HS3ST3A1: variants seen among roughly 807,000 people sequenced by gnomAD.
The protein encoded by HS3ST3A1 is heparan sulfate-glucosamine 3-sulfotransferase 3A1.
In HS3ST3A1, 19 loss-of-function variants were observed where a neutral mutation model predicts 25.7. The observed-to-expected ratio is 0.74, with a 90% CI of 0.52 to 1.08. The LOEUF (loss-of-function observed/expected upper bound fraction) is 1.08. Among genes scored for constraint, HS3ST3A1 ranks in the 50% least tolerant of loss-of-function variants. The probability of loss-of-function intolerance (pLI) is 0.00; values close to 1 mark genes in which losing one functional copy is unlikely to be tolerated. For synonymous variants in HS3ST3A1, 226 were observed against 278.6 expected (o/e 0.81, Z 1.88); for missense variants, 459 against 594.3 (o/e 0.77, Z 2.37).
chr17:13,510,520 A>G (rs953479209), intron 1 of HS3ST3A1, among the ~76,000 whole-genome samples: 2 of 152,230 alleles, frequency 1.3e-5, no homozygotes, highest in East Asian at 3.9e-4. Flanking sequence ...TTTTTCTGTC[A>G]GTTTATTTTA....
chr17:13,593,317 A>G (rs1908484826), intron 1 of HS3ST3A1, among the ~76,000 whole-genome samples: 1 of 151,006 alleles, frequency 6.6e-6, no homozygotes, highest in Admixed American at 6.6e-5. Flanking sequence ...TTGTGTCCTC[A>G]GAGACCTGTC....
chr17:13,575,281 G>A lies in HS3ST3A1; in HGVS notation c.599+25250C>T, dbSNP rs183098942. 3.3e-5 allele frequency among the ~76,000 whole-genome samples: 5 copies of A among 152,180 alleles called. No homozygotes were observed. The East Asian group carries it at 9.7e-4, about 29-fold the overall frequency. On this transcript the variant is annotated intron_variant, in intron 1 of 1. Transcript: ENST00000284110. ...TAAGTAGGGAAAAAGCATCTTTTAGGTTCAAAAAAGAAATGGATAATGGAT... is the reference window on the plus strand; with the variant it reads ...TAAGTAGGGAAAAAGCATCTTTTAGATTCAAAAAAGAAATGGATAATGGAT...
intron 1 of HS3ST3A1, among the ~76,000 whole-genome samples, chr17:13,599,168 CA>C (rs1908655409): frequency 1.3e-5 from 2 of 152,162 alleles, no homozygotes; most frequent in Admixed American, 6.5e-5. Flanking sequence ...GACAGAAACA[CA>C]AGGGGATATT....
intron 1 of HS3ST3A1, among the ~76,000 whole-genome samples, chr17:13,514,730 G>T (rs867339390): frequency 6.6e-6 from 1 of 152,152 alleles, no homozygotes; most frequent in African/African-American, 2.4e-5. Flanking sequence ...GACGAGGAGA[G>T]GGTAAGACTA....
intron 1 of HS3ST3A1, among the ~76,000 whole-genome samples, chr17:13,537,003 C>T (rs145293957): frequency 3.3e-5 from 5 of 152,252 alleles, no homozygotes; most frequent in African/African-American, 7.2e-5. Flanking sequence ...GTAAGGTCTG[C>T]GAAGGACAGT....
Position 13,601,185 on chromosome 17 carries a change from C to G in HS3ST3A1, c.-56G>C, listed in dbSNP as rs971876074. ...CGGCCATGCTAGGCCTGGACCCCGA[C>G]AGGTGCCAGAGCATCCCCCCGGCGG... On this transcript the variant is annotated 5_prime_UTR_variant, in exon 1 of 2. Coordinates refer to ENST00000284110, the MANE Select transcript of HS3ST3A1 (RefSeq NM_006042.3). 2 of 1,332,224 alleles carry G rather than the reference C, an allele frequency of 1.5e-6. No individual in the cohort carries two copies. Among genetic ancestry groups the G allele is most frequent in the Non-Finnish European group, 2.0e-6 (2 of 1,007,558 alleles). The allele number at this position is 1,332,224 out of a possible 1,614,324, so 82.5% of individuals were successfully genotyped here.
chr17:13,557,870 G>A (rs1427459052), intron 1 of HS3ST3A1, among the ~76,000 whole-genome samples: 1 of 152,188 alleles, frequency 6.6e-6, no homozygotes, highest in East Asian at 1.9e-4. Flanking sequence ...AATGTTCATC[G>A]TTAACAAAAT....
In HS3ST3A1 at chr17:13,541,510, C is replaced by T. The variant is rs1906932357; in HGVS notation, c.600-44692G>A. Among the ~76,000 whole-genome samples, 3 of 152,170 alleles carry T rather than the reference C, an allele frequency of 2.0e-5. No individual in the cohort carries two copies. The South Asian group carries it at 6.2e-4, about 32-fold the overall frequency. ...CCAGTTGATACAATCACCCTGTCCA[C>T]CTTCCCAAACACATTCTAATAAAAA... On this transcript the variant is annotated intron_variant, in intron 1 of 1. Coordinates refer to ENST00000284110, the MANE Select transcript of HS3ST3A1 (RefSeq NM_006042.3).
In HS3ST3A1 at chr17:13,496,780, A is replaced by G. The variant is rs778489314; in HGVS notation, c.638T>C (p.Met213Thr). Residue 213 changes from methionine (M) to threonine (T), a missense_variant, in exon 2 of 2, where the codon ATG (methionine) becomes ACG (threonine). Met to Thr is a moderately conservative substitution (Grantham distance 81, BLOSUM62 -1). This residue lies in a region of HS3ST3A1 where 67 missense variants were observed against 231.4 expected (regional missense o/e 0.29). Transcript: ENST00000284110. ...GACGAAGTAACTGGGCGTCTTCTCC[A>G]TGGTGATCTGCCCGTCCAGGGTTCT... ...MPRTLDGQIT[M>T]EKTPSYFVTR... The G allele has an allele frequency of 3.7e-6, 6 of 1,613,980 alleles. No homozygotes were observed. The highest frequency in any genetic ancestry group is 2.7e-5 in the African/African-American group (2 of 75,026).
intron 1 of HS3ST3A1, among the ~76,000 whole-genome samples, chr17:13,592,513 A>G (rs915819690): frequency 6.6e-6 from 1 of 152,238 alleles, no homozygotes; most frequent in Non-Finnish European, 1.5e-5. Context: ...GAAAAATGCC[A>G]AACAAGTAGA....
chr17:13,560,562 C>G (rs189132754), intron 1 of HS3ST3A1, among the ~76,000 whole-genome samples: 121 of 152,122 alleles, frequency 8.0e-4, no homozygotes, highest in East Asian at 2.9e-3. Flanking sequence ...TTTATTACAG[C>G]GTGTGTCTGG....
chr17:13,501,585 C>A (rs1239751117), intron 1 of HS3ST3A1, among the ~76,000 whole-genome samples: 1 of 152,062 alleles, frequency 6.6e-6, no homozygotes, highest in Non-Finnish European at 1.5e-5. Flanking sequence ...GTTTGTGGTC[C>A]ATGCCCACTG....
At chr17:13,541,015 T>A (rs939807621) in intron 1 of HS3ST3A1, among the ~76,000 whole-genome samples, 1 of 152,242 alleles carries the variant, frequency 6.6e-6, no homozygotes, top group Non-Finnish European at 1.5e-5. Context: ...TGTATTGTGA[T>A]ATAATTCTCC....
chr17:13,527,019 T>G (rs1331738925), intron 1 of HS3ST3A1, among the ~76,000 whole-genome samples: 1 of 152,096 alleles, frequency 6.6e-6, no homozygotes, highest in East Asian at 1.9e-4. Flanking sequence ...TTCTGGGAAC[T>G]GAGAATCCCA....
rs570710531 is a variant in HS3ST3A1 at position 13,596,254 on chromosome 17, C to T, written c.599+4277G>A. ...CAAGTGTTTTTGGTGTTGTTTAATGCCCGGACTATGATCTCAATAGTGTCC... is the reference window on the plus strand; with the variant it reads ...CAAGTGTTTTTGGTGTTGTTTAATGTCCGGACTATGATCTCAATAGTGTCC... On this transcript the variant is annotated intron_variant, in intron 1 of 1. Transcript: ENST00000284110. 2.0e-3 allele frequency among the ~76,000 whole-genome samples: 310 copies of T among 152,170 alleles called. 4 individuals carry two copies. The highest frequency in any genetic ancestry group is 7.9e-3 in the South Asian group (38 of 4,808).
At chr17:13,523,208 A>G (rs890818578) in intron 1 of HS3ST3A1, among the ~76,000 whole-genome samples, 1 of 152,206 alleles carries the variant, frequency 6.6e-6, no homozygotes, top group African/African-American at 2.4e-5. Flanking sequence ...CTAGAAAAGA[A>G]AAAAACAACC....
intron 1 of HS3ST3A1, among the ~76,000 whole-genome samples, chr17:13,505,214 A>G (rs1905620421): frequency 6.6e-6 from 1 of 152,186 alleles, no homozygotes; most frequent in Non-Finnish European, 1.5e-5. Context: ...GATTACAAAA[A>G]TAGTATACAG....
rs368974845 is a variant in HS3ST3A1, at chr17:13,502,987, T to C, written c.600-6169A>G. Among the ~76,000 whole-genome samples, 3 of 151,852 alleles carry C rather than the reference T, an allele frequency of 2.0e-5. No homozygotes were observed. The East Asian group carries it at 5.8e-4, about 29-fold the overall frequency. On this transcript the variant is annotated intron_variant, in intron 1 of 1. Transcript: ENST00000284110. The stretch of plus-strand genomic sequence containing the variant: ...TGAGGTCAAGAGAGCGAGACCATCC[T>C]GGCCAACATGGTGAAACCACATCCC...
Position 13,585,186 on chromosome 17 carries a change from C to CTTTTTTTTTTTTTTTTTTTTTT in HS3ST3A1, c.599+15323_599+15344dup, listed in dbSNP as rs71144977. ...CAATCTAAATACTCATTTTTCTGTG[C>CTTTTTTTTTTTTTTTTTTTTTT]TTTTTTTTTTTTTTTTTTTTTTTTT... On this transcript the variant is annotated intron_variant, in intron 1 of 1. Transcript: ENST00000284110. Among the ~76,000 whole-genome samples the CTTTTTTTTTTTTTTTTTTTTTT allele has an allele frequency of 5.1e-4, 17 of 33,246 alleles. 5 individuals are homozygous for CTTTTTTTTTTTTTTTTTTTTTT. The highest frequency in any genetic ancestry group is 1.4e-3 in the East Asian group (1 of 716). 21.8% of individuals were successfully genotyped at this position (33,246 alleles called of 152,430 possible). A position where few individuals can be genotyped will look rare whatever the true frequency, so the allele number is the denominator to read the frequency against.
Sources: gnomAD v4.1 joint callset for allele counts (sites outside exome capture counted in the v4.1 genomes callset) on GRCh38, gnomAD v4.1.1 for gene constraint, gnomAD v4.1.1 regional missense constraint, MANE v1.5 for transcripts, NCBI Gene and HGNC (gene_info 2026-07-23, HGNC 2026-07-21) for gene names.